The following KLHL14 variants were observed in gnomAD, a reference collection of about 807,000 sequenced individuals.
The protein encoded by KLHL14 is kelch-like protein 14.
Under a neutral mutation model 64.3 loss-of-function variants are expected in KLHL14, and 22 were observed. That is an observed-to-expected ratio of 0.34 (90% CI 0.24 to 0.49). KLHL14 has a LOEUF of 0.49. Ranked by LOEUF, KLHL14 falls within the 20% of genes least tolerant of loss-of-function variation. KLHL14 has a pLI of 0.99. For missense variants in KLHL14, 661 were observed against 789.0 expected, an observed-to-expected ratio of 0.84 and a Z score of 1.94; for synonymous variants, 322 against 333.4, an observed-to-expected ratio of 0.97 and a Z score of 0.37.
chr18:32,771,068 T>G (rs1598584432), intron 1 of KLHL14: 1 of 282,956 alleles, frequency 3.5e-6, no homozygotes, highest in Non-Finnish European at 7.4e-6. Flanking sequence ...GAGCCGGGGG[T>G]GCCCTGAAAG....
At chr18:32,740,253 G>A (rs2050189232) in intron 3 of KLHL14, among the ~76,000 whole-genome samples, 1 of 152,176 alleles carries the variant, frequency 6.6e-6, no homozygotes, top group Admixed American at 6.5e-5. Context: ...GCTTGAAAAT[G>A]CCCCAGTGTG....
chr18:32,694,083 T>C (rs546001274), intron 4 of KLHL14, among the ~76,000 whole-genome samples: 112 of 152,334 alleles, frequency 7.4e-4, no homozygotes, highest in African/African-American at 2.5e-3. Context: ...CACAGTGTTT[T>C]GTGAGAATGA....
At position 32,742,052 on chromosome 18, in the gene KLHL14, T is replaced by C. The variant is rs776816898; in HGVS notation, c.948-3A>G. 1.2e-6 allele frequency: 2 copies of C among 1,612,252 alleles called. No homozygotes were observed. Among genetic ancestry groups the C allele is most frequent in the South Asian group, 2.2e-5 (2 of 90,432 alleles). On this transcript the variant is annotated splice_region_variant and splice_polypyrimidine_tract_variant and intron_variant, in intron 2 of 8. Transcript: ENST00000359358. ...GCATTTTCTTGTTAGAGCGAATTCT[T>C]CACCCAAAACAAAAGAGGAGATGAA...
chr18:32,772,073 C>A (rs2144204035), intron 1 of KLHL14: 1 of 279,024 alleles, frequency 3.6e-6, no homozygotes, highest in Non-Finnish European at 7.1e-6. Context: ...GAAAGGGACC[C>A]TCTGCTTGCA....
chr18:32,760,705 C>T (rs1436147892), intron 2 of KLHL14, among the ~76,000 whole-genome samples: 3 of 152,064 alleles, frequency 2.0e-5, no homozygotes, highest in Admixed American at 2.0e-4. Context: ...ATGTGAAAGG[C>T]TTTGGGAGCA....
intron 3 of KLHL14, among the ~76,000 whole-genome samples, chr18:32,719,608 G>T (rs531153215): frequency 1.3e-5 from 2 of 152,184 alleles, no homozygotes; most frequent in Non-Finnish European, 2.9e-5. Context: ...TGCTTAAGCT[G>T]CTCTTGTCGT....
At chr18:32,755,937 A>G (rs1467403074) in intron 2 of KLHL14, among the ~76,000 whole-genome samples, 1 of 152,180 alleles carries the variant, frequency 6.6e-6, no homozygotes, top group Non-Finnish European at 1.5e-5. Flanking sequence ...ATAACTGTTC[A>G]GCTGCCTAGA....
At chr18:32,677,633 TTAAAA>T (rs2049818134) in intron 7 of KLHL14, among the ~76,000 whole-genome samples, 1 of 152,202 alleles carries the variant, frequency 6.6e-6, no homozygotes, top group African/African-American at 2.4e-5. Flanking sequence ...TTAAAAATGT[TTAAAA>T]TAATAGTTTA....
chr18:32,748,998 CA>C (rs1238222111), intron 2 of KLHL14, among the ~76,000 whole-genome samples: 1 of 152,180 alleles, frequency 6.6e-6, no homozygotes, highest in Non-Finnish European at 1.5e-5. Flanking sequence ...TCATTATCAT[CA>C]ATATTATCTG....
rs111755187 is a variant in KLHL14 at position 32,729,202 on chromosome 18, A to C, written c.1069+12726T>G. 2.3e-3 allele frequency among the ~76,000 whole-genome samples: 355 copies of C among 152,256 alleles called. 1 individual carries two copies. Among genetic ancestry groups the C allele is most frequent in the African/African-American group, 8.2e-3 (339 of 41,552 alleles). The stretch of plus-strand genomic sequence containing the variant: ...TGACTTTCCTTATTTCGTGGGGGTC[A>C]CCTATTTGTTTCCTTGCCTGTAGGG... On this transcript the variant is annotated intron_variant, in intron 3 of 8. Coordinates refer to ENST00000359358, the MANE Select transcript of KLHL14 (RefSeq NM_020805.3).
intron 3 of KLHL14, among the ~76,000 whole-genome samples, chr18:32,704,648 G>A (rs1172635037): frequency 6.6e-6 from 1 of 152,204 alleles, no homozygotes; most frequent in African/African-American, 2.4e-5. Flanking sequence ...CTTGAACCCA[G>A]GAGGCAGAGG....
intron 3 of KLHL14, among the ~76,000 whole-genome samples, chr18:32,704,288 A>G (rs1420746981): frequency 1.3e-5 from 2 of 152,192 alleles, no homozygotes; most frequent in African/African-American, 4.8e-5. Context: ...TTGAGGGCAG[A>G]AGGAAGGAAA....
At chr18:32,685,710 AT>A (rs1308333262) in intron 5 of KLHL14, among the ~76,000 whole-genome samples, 5 of 152,070 alleles carry the variant, frequency 3.3e-5, no homozygotes, top group Admixed American at 2.0e-4. Context: ...ATGCCTCATC[AT>A]TTTCAGTGTG....
intron 3 of KLHL14, among the ~76,000 whole-genome samples, chr18:32,736,551 G>C (rs1166266932): frequency 6.6e-6 from 1 of 151,962 alleles, no homozygotes; most frequent in Non-Finnish European, 1.5e-5. Context: ...AAATAGAGGG[G>C]TATCCCTACT....
intron 3 of KLHL14, among the ~76,000 whole-genome samples, chr18:32,713,575 G>A (rs2050030894): frequency 6.6e-6 from 1 of 152,126 alleles, no homozygotes; most frequent in African/African-American, 2.4e-5. Flanking sequence ...GCAACATAGG[G>A]AGACCCCATC....
chr18:32,750,486 T>C (rs945927766), intron 2 of KLHL14, among the ~76,000 whole-genome samples: 6 of 152,222 alleles, frequency 3.9e-5, no homozygotes, highest in African/African-American at 1.4e-4. Flanking sequence ...TGTTACACTG[T>C]ATATAAATAG....
chr18:32,721,211 G>T (rs560481103), intron 3 of KLHL14, among the ~76,000 whole-genome samples: 1 of 152,232 alleles, frequency 6.6e-6, no homozygotes, highest in South Asian at 2.1e-4. Flanking sequence ...GATAGCAGCA[G>T]GAGACAAAAA....
At chr18:32,686,831 T>C (rs1279410224) in intron 5 of KLHL14, among the ~76,000 whole-genome samples, 1 of 152,194 alleles carries the variant, frequency 6.6e-6, no homozygotes, top group Non-Finnish European at 1.5e-5. Context: ...TATATTTCAA[T>C]TTTAGGGTTT....
chr18:32,746,888 C>T (rs573142442), intron 2 of KLHL14, among the ~76,000 whole-genome samples: 7 of 152,260 alleles, frequency 4.6e-5, no homozygotes, highest in Admixed American at 3.9e-4. Context: ...ATTTTCAGTT[C>T]TCGACTCTCA....
Sources: allele counts gnomAD v4.1 joint callset (sites outside exome capture counted in the v4.1 genomes callset), GRCh38; gene constraint gnomAD v4.1.1; transcripts MANE v1.5; gene names NCBI Gene and HGNC (gene_info 2026-07-23, HGNC 2026-07-21).